Variants in NR2F1-AS1 observed in about 807,000 individuals in gnomAD.
NR2F1-AS1 encodes the protein NR2F1 regulatory antisense RNA 1, also known as NR2F1 antisense RNA 1.
At chr5:93,547,285 TAGA>T (rs1282340799) in intron 4 of NR2F1-AS1, among the ~76,000 whole-genome samples, 4 of 152,212 alleles carry the variant, frequency 2.6e-5, no homozygotes, top group Non-Finnish European at 5.9e-5. Context: ...ACATCAAAAG[TAGA>T]ATGTACTAAA....
chr5:93,414,851 A>G (rs73133214), intron 4 of NR2F1-AS1, among the ~76,000 whole-genome samples: 19,143 of 152,180 alleles, frequency 0.13, 1,503 homozygotes, highest in African/African-American at 0.22. Context: ...TTCTTTTGTT[A>G]TGTAAGAACA....
chr5:93,446,002 C>T (rs903469496), intron 4 of NR2F1-AS1, among the ~76,000 whole-genome samples: 3 of 152,102 alleles, frequency 2.0e-5, no homozygotes, highest in Admixed American at 6.5e-5. Context: ...ATTCAACAGC[C>T]CTTCATCCTA....
At chr5:93,523,710 C>G (rs1751553112) in intron 4 of NR2F1-AS1, among the ~76,000 whole-genome samples, 1 of 152,172 alleles carries the variant, frequency 6.6e-6, no homozygotes, top group African/African-American at 2.4e-5. Context: ...CTCAAGCAAA[C>G]AGGATCTGGA....
intron 4 of NR2F1-AS1, among the ~76,000 whole-genome samples, chr5:93,547,425 T>C (rs1360628543): frequency 6.6e-6 from 1 of 152,220 alleles, no homozygotes; most frequent in African/African-American, 2.4e-5. Flanking sequence ...TCCATGTCCC[T>C]TGAATCTCTT....
chr5:93,582,948 C>CGG (rs147929468), upstream of NR2F1-AS1, among the ~76,000 whole-genome samples: 55 of 143,314 alleles, frequency 3.8e-4, no homozygotes, highest in African/African-American at 9.8e-4. Flanking sequence ...GGTAGCTAAG[C>CGG]GGGGGGGGGA....
chr5:93,517,458 T>C (rs1561479062), intron 4 of NR2F1-AS1, among the ~76,000 whole-genome samples: 4 of 152,096 alleles, frequency 2.6e-5, no homozygotes, highest in African/African-American at 7.2e-5. Context: ...CATTATATAC[T>C]TCTCTTTTCA....
At chr5:93,582,220 G>T, upstream of NR2F1-AS1, among the ~76,000 whole-genome samples, 1 of 142,220 alleles carries the variant, frequency 7.0e-6, no homozygotes. Context: ...ACTTACTACT[G>T]TTTTATTAAT....
chr5:93,449,704 T>C (rs1749789051), intron 4 of NR2F1-AS1, among the ~76,000 whole-genome samples: 1 of 152,156 alleles, frequency 6.6e-6, no homozygotes, highest in African/African-American at 2.4e-5. Flanking sequence ...TTACAAAGAT[T>C]TCTCCTGTTT....
At chr5:93,444,586 C>T (rs1749651697) in intron 4 of NR2F1-AS1, among the ~76,000 whole-genome samples, 1 of 152,124 alleles carries the variant, frequency 6.6e-6, no homozygotes, top group Non-Finnish European at 1.5e-5. Context: ...TGTACACTCC[C>T]ACACAAAAAT....
At chr5:93,494,607 TC>T (rs1386192508) in intron 4 of NR2F1-AS1, among the ~76,000 whole-genome samples, 2 of 152,042 alleles carry the variant, frequency 1.3e-5, no homozygotes, top group Non-Finnish European at 2.9e-5. Flanking sequence ...AGAGCAAGAC[TC>T]CATCTCAAAA....
At chr5:93,422,845 G>T (rs1749116133) in intron 4 of NR2F1-AS1, among the ~76,000 whole-genome samples, 1 of 152,126 alleles carries the variant, frequency 6.6e-6, no homozygotes, top group African/African-American at 2.4e-5. Context: ...TCCTCAGCTG[G>T]ATGACTTAGA....
chr5:93,582,816 C>T (rs1012141038), upstream of NR2F1-AS1, among the ~76,000 whole-genome samples: 1 of 151,922 alleles, frequency 6.6e-6, no homozygotes, highest in Non-Finnish European at 1.5e-5. Context: ...ATAGACGACC[C>T]ATACTAATCA....
At chr5:93,470,308 C>T (rs1750339525) in intron 4 of NR2F1-AS1, among the ~76,000 whole-genome samples, 1 of 151,798 alleles carries the variant, frequency 6.6e-6, no homozygotes, top group African/African-American at 2.4e-5. Context: ...AGTTTGAGAG[C>T]ATATGACCTT....
chr5:93,446,093 C>T (rs1749698995), intron 4 of NR2F1-AS1, among the ~76,000 whole-genome samples: 1 of 152,138 alleles, frequency 6.6e-6, no homozygotes, highest in Non-Finnish European at 1.5e-5. Context: ...CAGCCAATAT[C>T]ATACTGAATG....
upstream of NR2F1-AS1, among the ~76,000 whole-genome samples, chr5:93,582,076 GTCTCTCTCTCTCCTCCTCCCCCTTTTC>G (rs1753108899): frequency 8.6e-6 from 1 of 115,752 alleles, no homozygotes; most frequent in Non-Finnish European, 1.8e-5. Context: ...CTCTCTCTCT[GTCTCTCTCTCTCCTCCTCCCCCTTTTC>G]TCTCTCCCTC....
intron 4 of NR2F1-AS1, among the ~76,000 whole-genome samples, chr5:93,436,606 T>C (rs1265518705): frequency 2.0e-5 from 3 of 152,200 alleles, no homozygotes; most frequent in Admixed American, 2.0e-4. Flanking sequence ...TTCCCATCAA[T>C]GTCTGTTTTT....
chr5:93,446,640 T>C (rs996503760), intron 4 of NR2F1-AS1, among the ~76,000 whole-genome samples: 5 of 152,190 alleles, frequency 3.3e-5, no homozygotes, highest in African/African-American at 1.2e-4. Flanking sequence ...AAGTAATTCA[T>C]AGATTCAATG....
chr5:93,552,851 A>G (rs1032834976), intron 4 of NR2F1-AS1, among the ~76,000 whole-genome samples: 2 of 152,170 alleles, frequency 1.3e-5, no homozygotes, highest in Non-Finnish European at 2.9e-5. Context: ...TCATGATTAT[A>G]TAAGATTTGG....
At chr5:93,525,056 A>G (rs1014730082) in intron 4 of NR2F1-AS1, among the ~76,000 whole-genome samples, 3 of 152,168 alleles carry the variant, frequency 2.0e-5, no homozygotes, top group African/African-American at 7.2e-5. Context: ...ATTAAAAGAC[A>G]CAGACTGGTA....
Sources: allele counts gnomAD v4.1 joint callset (sites outside exome capture counted in the v4.1 genomes callset), GRCh38; gene constraint gnomAD v4.1.1; transcripts MANE v1.5; gene names NCBI Gene and HGNC (gene_info 2026-07-23, HGNC 2026-07-21).